ARPP21: variants seen among roughly 807,000 people sequenced by gnomAD.
The protein encoded by ARPP21 is cAMP-regulated phosphoprotein 21.
A neutral mutation model predicts 113.2 loss-of-function variants in ARPP21; 69 were observed. That is an observed-to-expected ratio of 0.61 (90% confidence interval 0.50 to 0.74). The LOEUF (loss-of-function observed/expected upper bound fraction) is 0.74, where lower values mean the gene tolerates loss of function less well. ARPP21 is among the 30% of genes least tolerant of loss of function. ARPP21 has a pLI of 0.00. For missense variants in ARPP21, 1,070 were observed against 1,037.4 expected (o/e 1.03, Z -0.43); for synonymous variants, 368 against 375.5 (o/e 0.98, Z 0.23).
intron 1 of ARPP21, among the ~76,000 whole-genome samples, chr3:35,668,183 G>A (rs2075396672): frequency 6.6e-6 from 1 of 152,130 alleles, no homozygotes; most frequent in Non-Finnish European, 1.5e-5. Flanking sequence ...TTTGGGGGAA[G>A]AGTATTCCTA....
In ARPP21 at chr3:35,774,057, C is replaced by T. The variant is rs569088111; in HGVS notation, c.2138-18325C>T. 3.3e-5 allele frequency among the ~76,000 whole-genome samples: 5 copies of T among 152,220 alleles called. No homozygotes were observed. The South Asian group carries it at 1.0e-3, about 32-fold the overall frequency. On this transcript the variant is annotated intron_variant, in intron 19 of 20. Transcript: ENST00000684406. ...TCACTGCTCAGTTAAGTGTTCCTTA[C>T]AAATGTAGCTATGGTAAGATAGAGA... is the stretch of plus-strand genomic sequence containing the variant.
intron 14 of ARPP21, among the ~76,000 whole-genome samples, chr3:35,725,854 T>C (rs2093492588): frequency 6.7e-6 from 1 of 149,764 alleles, no homozygotes; most frequent in Non-Finnish European, 1.5e-5. Context: ...GTGAGTAGCA[T>C]GGAATTTTAA....
intron 14 of ARPP21, among the ~76,000 whole-genome samples, chr3:35,728,753 GTCT>G (rs1337149821): frequency 6.6e-6 from 1 of 152,020 alleles, no homozygotes; most frequent in African/African-American, 2.4e-5. Context: ...ATGATCCCAG[GTCT>G]TCTACTCACA....
chr3:35,768,927 A>T (rs2096087526), intron 19 of ARPP21, among the ~76,000 whole-genome samples: 1 of 152,214 alleles, frequency 6.6e-6, no homozygotes, highest in Admixed American at 6.5e-5. Context: ...CAGATATTAG[A>T]AAAGGCTAGT....
intron 12 of ARPP21, among the ~76,000 whole-genome samples, chr3:35,716,384 T>C (rs2092395356): frequency 1.3e-5 from 2 of 152,050 alleles, no homozygotes; most frequent in African/African-American, 2.4e-5. Context: ...CTCAGAGAAA[T>C]TTAAACTGGA....
intron 19 of ARPP21, among the ~76,000 whole-genome samples, chr3:35,771,699 G>C (rs1429757735): frequency 1.3e-5 from 2 of 152,110 alleles, no homozygotes; most frequent in African/African-American, 4.8e-5. Context: ...GGCACCTATT[G>C]TGTGCAGGCA....
At chr3:35,722,786 C>T (rs1430778433) in intron 14 of ARPP21, among the ~76,000 whole-genome samples, 2 of 152,190 alleles carry the variant, frequency 1.3e-5, no homozygotes, top group African/African-American at 2.4e-5. Context: ...CATGAGTCTG[C>T]AAAATGCCCT....
At chr3:35,786,287 G>A (rs1020084729) in intron 19 of ARPP21, among the ~76,000 whole-genome samples, 2 of 152,062 alleles carry the variant, frequency 1.3e-5, no homozygotes, top group African/African-American at 4.8e-5. Flanking sequence ...ACTTTGGGAG[G>A]CCAAGACAGG....
intron 14 of ARPP21, among the ~76,000 whole-genome samples, chr3:35,725,173 T>C (rs1191916866): frequency 1.3e-5 from 2 of 152,126 alleles, no homozygotes; most frequent in Admixed American, 6.5e-5. Context: ...TGCTTGCTAA[T>C]TGGTGCTGTG....
At chr3:35,714,103 G>C (rs2091939917) in intron 11 of ARPP21, among the ~76,000 whole-genome samples, 1 of 152,128 alleles carries the variant, frequency 6.6e-6, no homozygotes, top group Admixed American at 6.5e-5. Flanking sequence ...TAAATGTCAA[G>C]TTTTTTAAAA....
chr3:35,741,555 C>A (rs2094659403), intron 18 of ARPP21, among the ~76,000 whole-genome samples: 1 of 152,076 alleles, frequency 6.6e-6, no homozygotes, highest in African/African-American at 2.4e-5. Context: ...TGTATGCTTC[C>A]TAAATGCCCA....
intron 19 of ARPP21, among the ~76,000 whole-genome samples, chr3:35,791,754 A>G (rs372272664): frequency 2.4e-4 from 36 of 152,186 alleles, no homozygotes; most frequent in African/African-American, 8.4e-4. Flanking sequence ...TTACCAAAAA[A>G]TTCTCTCAGA....
chr3:35,700,573 T>G (rs2085970888), intron 9 of ARPP21, among the ~76,000 whole-genome samples: 1 of 151,272 alleles, frequency 6.6e-6, no homozygotes, highest in African/African-American at 2.4e-5. Context: ...TTACCACTGA[T>G]AAGAAAAGCC....
At chr3:35,689,246 C>A (rs747190600) in intron 6 of ARPP21, 61 bp from the exon 7 acceptor site, 1 of 818,970 alleles carries the variant, frequency 1.2e-6, no homozygotes, top group African/African-American at 1.7e-5. Context: ...GTTGGGGAAA[C>A]CTTTTCTACC....
intron 19 of ARPP21, among the ~76,000 whole-genome samples, chr3:35,778,477 C>T (rs777349005): frequency 2.4e-4 from 36 of 152,198 alleles, no homozygotes; most frequent in Non-Finnish European, 4.9e-4. Flanking sequence ...GCAGGCAGCC[C>T]CTCCTCTCAG....
intron 19 of ARPP21, among the ~76,000 whole-genome samples, chr3:35,758,137 A>T (rs183935316): frequency 8.3e-4 from 126 of 152,252 alleles, no homozygotes; most frequent in Non-Finnish European, 1.5e-3. Flanking sequence ...GGAGGATTAG[A>T]TCATTGCCTC....
At chr3:35,643,102 T>C (rs3796183) in intron 1 of ARPP21, among the ~76,000 whole-genome samples, 22,084 of 151,710 alleles carry the variant, frequency 0.15, 2,061 homozygotes, top group Non-Finnish European at 0.21. Context: ...AAAGTGAGAA[T>C]GTTCAATCAG....
rs56239547 is a variant in ARPP21 at position 35,681,896 on chromosome 3, G to A, written c.129+16G>A. ...GGAACTGCAGGTGAGTGAGCATGAA[G>A]AGACCCTGACTCTCATACAACTGTG... On this transcript the variant is annotated intron_variant, in intron 3 of 20. Coordinates refer to ENST00000684406, the MANE Select transcript of ARPP21 (RefSeq NM_001385562.1). 4,454 of 1,611,164 alleles carry A rather than the reference G, an allele frequency of 2.8e-3. 106 individuals are homozygous for A. The African/African-American group carries it at 0.051, about 19-fold the overall frequency.
chr3:35,695,148 A>T (rs2083474943), intron 9 of ARPP21, among the ~76,000 whole-genome samples: 1 of 151,454 alleles, frequency 6.6e-6, no homozygotes, highest in Non-Finnish European at 1.5e-5. Context: ...TCAACTCCAT[A>T]GACTTATGCC....
Sources: gnomAD v4.1 joint callset for allele counts (sites outside exome capture counted in the v4.1 genomes callset) on GRCh38, gnomAD v4.1.1 for gene constraint, MANE v1.5 for transcripts, NCBI Gene and HGNC (gene_info 2026-07-23, HGNC 2026-07-21) for gene names.